PSMA3: variants seen among roughly 807,000 people sequenced by gnomAD.
The protein encoded by PSMA3 is proteasome 20S subunit alpha 3.
Under a neutral mutation model 40.0 loss-of-function variants are expected in PSMA3, and 8 were observed. That is an observed-to-expected ratio of 0.20 (90% CI 0.12 to 0.36). The LOEUF (loss-of-function observed/expected upper bound fraction) is 0.36. Ranked by LOEUF, PSMA3 falls within the 10% of genes least tolerant of loss-of-function variation. The pLI is 1.00. For missense variants in PSMA3, 219 were observed against 310.6 expected (o/e 0.70, Z 2.22); for synonymous variants, 110 against 100.0 (o/e 1.10, Z -0.59).
rs1423430907 is a variant in PSMA3 at position 58,270,191 on chromosome 14, T to A, written c.591-227T>A. ...TGTGCAAAAATAAACTGAACTTGGG[T>A]TGATTAGGTATATTCAACATTTGTC... On this transcript the variant is annotated intron_variant, in intron 8 of 10. Transcript: ENST00000216455. 7.3e-6 allele frequency: 4 copies of A among 545,626 alleles called. No individual in the cohort carries two copies. The African/African-American group carries it at 7.8e-5, about 11-fold the overall frequency. The allele number at this position is 545,626 out of a possible 1,614,324, so 33.8% of individuals were successfully genotyped here.
intron 2 of PSMA3, among the ~76,000 whole-genome samples, chr14:58,250,568 A>G (rs1889988097): frequency 6.6e-6 from 1 of 152,188 alleles, no homozygotes. Context: ...TAGGAGTTTA[A>G]ACTTGCAAGG....
intron 8 of PSMA3, chr14:58,268,696 C>T (rs2140097352): frequency 6.6e-6 from 1 of 152,324 alleles, no homozygotes; most frequent in Non-Finnish European, 1.5e-5. Context: ...TTCTGGAAAT[C>T]AGTTCTTACC....
At position 58,270,755 on chromosome 14, in the gene PSMA3, G is replaced by A. The variant is rs1890591976; in HGVS notation, c.659-179G>A. On this transcript the variant is annotated intron_variant, in intron 9 of 10. Transcript: ENST00000216455. Reference sequence around the variant, plus strand: ...TTTCATTTCCATAAGAACTTAATATGTAGGCACATATAATCTCATGTAGAA... The same window carrying A: ...TTTCATTTCCATAAGAACTTAATATATAGGCACATATAATCTCATGTAGAA... 3.9e-5 allele frequency among the ~76,000 whole-genome samples: 6 copies of A among 152,284 alleles called. No individual in the cohort carries two copies. The South Asian group carries it at 1.2e-3, about 32-fold the overall frequency.
chr14:58,263,888 A>G, intron 7 of PSMA3, 118 bp downstream of exon 7: 1 of 812,236 alleles, frequency 1.2e-6, no homozygotes, highest in Non-Finnish European at 2.1e-6. Flanking sequence ...CCTGGGCCAC[A>G]CATAAAATAC....
At chr14:58,254,332 G>GCA (rs1890089936) in intron 3 of PSMA3, among the ~76,000 whole-genome samples, 1 of 2,156 alleles carries the variant, frequency 4.6e-4, no homozygotes, top group Admixed American at 4.3e-3. Flanking sequence ...AATTATGCAT[G>GCA]CATATATATA....
chr14:58,268,837 CATATT>C (rs976672773), intron 8 of PSMA3: 12 of 152,118 alleles, frequency 7.9e-5, no homozygotes, highest in African/African-American at 2.9e-4. Context: ...AAGATCCTCT[CATATT>C]ATAGCAAGGT....
intron 6 of PSMA3, among the ~76,000 whole-genome samples, chr14:58,263,182 AC>A (rs1890332414): frequency 6.6e-6 from 1 of 151,832 alleles, no homozygotes; most frequent in South Asian, 2.1e-4. Flanking sequence ...ACAGGGTTTT[AC>A]AATGTTGGCC....
At chr14:58,250,220 C>CAAAAAAAGA (rs1889977127) in intron 2 of PSMA3, among the ~76,000 whole-genome samples, 1 of 93,050 alleles carries the variant, frequency 1.1e-5, no homozygotes, top group Non-Finnish European at 2.0e-5. Context: ...ACTCCATCTC[C>CAAAAAAAGA]AAAAAAAAAA....
At chr14:58,249,379 T>G (rs1039614619) in intron 2 of PSMA3, among the ~76,000 whole-genome samples, 4 of 152,218 alleles carry the variant, frequency 2.6e-5, no homozygotes, top group African/African-American at 7.2e-5. Flanking sequence ...AGAGGCATGG[T>G]CTCACTCACT....
chr14:58,261,745 C>T (rs1346848460), intron 6 of PSMA3, among the ~76,000 whole-genome samples: 1 of 151,790 alleles, frequency 6.6e-6, no homozygotes, highest in African/African-American at 2.4e-5. Flanking sequence ...GTAGCTGGGA[C>T]TACAGGCTCA....
intron 5 of PSMA3, among the ~76,000 whole-genome samples, chr14:58,258,709 C>T (rs904877166): frequency 3.3e-5 from 5 of 151,688 alleles, no homozygotes; most frequent in Middle Eastern, 3.2e-3. Context: ...TATAAATATT[C>T]AAATTTGGCT....
chr14:58,260,806 ACT>A (rs1890260663), intron 5 of PSMA3, 140 bp from the exon 6 acceptor site: 10 of 515,718 alleles, frequency 1.9e-5, no homozygotes, highest in Admixed American at 1.1e-4. Flanking sequence ...AATTGAAACC[ACT>A]GTTTCAAAGT....
intron 2 of PSMA3, among the ~76,000 whole-genome samples, chr14:58,249,617 A>G (rs555307882): frequency 7.9e-5 from 12 of 152,062 alleles, no homozygotes; most frequent in African/African-American, 2.9e-4. Flanking sequence ...GTCTCGAGCT[A>G]TTCTCCTCCC....
At chr14:58,250,305 T>TG (rs1340964995) in intron 2 of PSMA3, among the ~76,000 whole-genome samples, 1 of 152,028 alleles carries the variant, frequency 6.6e-6, no homozygotes, top group East Asian at 1.9e-4. Flanking sequence ...GCCTTTCACT[T>TG]GGGCCTTCCA....
rs1166972911 is a variant in PSMA3 at position 58,245,064 on chromosome 14, C to T, written c.21+123C>T. 3.9e-6 allele frequency: 5 copies of T among 1,277,474 alleles called. No homozygotes were observed. In the Admixed American group the frequency reaches 5.1e-5, roughly 13 times the overall value. The allele number at this position is 1,277,474 out of a possible 1,614,324, so 79.1% of individuals were successfully genotyped here. ...TGAGACCGCCTTCGGCTGGGTGGGC[C>T]ATTTGCAGCTGTTTGGAGACCGGTC... On this transcript the variant is annotated intron_variant, in intron 1 of 10. Coordinates refer to ENST00000216455, the MANE Select transcript of PSMA3 (RefSeq NM_002788.4).
chr14:58,258,105 T>G, intron 5 of PSMA3, 107 bp downstream of exon 5: 1 of 846,034 alleles, frequency 1.2e-6, no homozygotes, highest in Non-Finnish European at 1.9e-6. Context: ...AACTCGTCGA[T>G]AAGTATTAGG....
chr14:58,256,038 T>C (rs1890137225), intron 3 of PSMA3, among the ~76,000 whole-genome samples: 1 of 152,082 alleles, frequency 6.6e-6, no homozygotes, highest in Non-Finnish European at 1.5e-5. Context: ...TTTGTATTTT[T>C]AGTAGGGGTT....
intron 1 of PSMA3, chr14:58,245,180 CA>C (rs1889852206): frequency 1.8e-6 from 1 of 556,090 alleles, no homozygotes; most frequent in Non-Finnish European, 3.2e-6. Flanking sequence ...GGCGTCGCCG[CA>C]GTGAGGTTTG....
intron 7 of PSMA3, among the ~76,000 whole-genome samples, chr14:58,264,344 G>A (rs1001770024): frequency 2.6e-4 from 40 of 152,284 alleles, no homozygotes; most frequent in East Asian, 3.9e-4. Context: ...CTCCTAGCCA[G>A]GTAAGGCATA....
Sources: allele counts gnomAD v4.1 joint callset (sites outside exome capture counted in the v4.1 genomes callset), GRCh38; gene constraint gnomAD v4.1.1; transcripts MANE v1.5; gene names NCBI Gene and HGNC (gene_info 2026-07-23, HGNC 2026-07-21).